Variants in LMBR1 observed in about 807,000 individuals in gnomAD.
The protein encoded by LMBR1 is limb region 1 protein homolog.
A neutral mutation model predicts 73.9 loss-of-function variants in LMBR1; 52 were observed. The observed-to-expected ratio is 0.70, with a 90% CI of 0.56 to 0.89. The LOEUF (loss-of-function observed/expected upper bound fraction) is 0.89, where lower values mean the gene tolerates loss of function less well. Ranked by LOEUF, LMBR1 falls within the 40% of genes least tolerant of loss-of-function variation. LMBR1 has a pLI of 0.00. For synonymous variants in LMBR1, 215 were observed against 209.4 expected (o/e 1.03, Z -0.23); for missense variants, 539 against 579.8 (o/e 0.93, Z 0.72).
In LMBR1 at chr7:156,702,707, A is replaced by G. The variant is rs1810050992; in HGVS notation, c.1226-14516T>C. Among the ~76,000 whole-genome samples, 4 of 152,372 alleles carry G rather than the reference A, an allele frequency of 2.6e-5. No homozygotes were observed. The South Asian group carries it at 8.3e-4, about 32-fold the overall frequency. Reference sequence around the variant, plus strand: ...AGCAGCAGAGAAGGTTTTTTAAAAAAGAAAACTAAACATACTCTTAGCATA... The same window carrying G: ...AGCAGCAGAGAAGGTTTTTTAAAAAGGAAAACTAAACATACTCTTAGCATA... On this transcript the variant is annotated intron_variant, in intron 15 of 16. Coordinates refer to ENST00000353442, the MANE Select transcript of LMBR1 (RefSeq NM_022458.4).
At chr7:156,821,870 T>A (rs546180766) in intron 4 of LMBR1, among the ~76,000 whole-genome samples, 74 of 152,328 alleles carry the variant, frequency 4.9e-4, no homozygotes, top group African/African-American at 1.8e-3. Context: ...CACCTTCTAC[T>A]CACCAAGGCT....
chr7:156,860,049 C>T (rs183379595), intron 1 of LMBR1, among the ~76,000 whole-genome samples: 61 of 152,314 alleles, frequency 4.0e-4, no homozygotes, highest in African/African-American at 1.1e-3. Flanking sequence ...ATTCAACAAA[C>T]GGTGCTATAA....
Position 156,827,853 on chromosome 7 carries a change from G to A in LMBR1, c.180-1109C>T, listed in dbSNP as rs376039823. On this transcript the variant is annotated intron_variant, in intron 3 of 16. Coordinates refer to ENST00000353442, the MANE Select transcript of LMBR1 (RefSeq NM_022458.4). ...ATAACCAGGAAACCTCCTTGGTTTAGTAAATCAATTATAAATTTTAAAATA... is the reference window on the plus strand; with the variant it reads ...ATAACCAGGAAACCTCCTTGGTTTAATAAATCAATTATAAATTTTAAAATA... Among the ~76,000 whole-genome samples the A allele has an allele frequency of 5.3e-5, 8 of 152,256 alleles. No homozygotes were observed. In the East Asian group the frequency reaches 1.5e-3, roughly 29 times the overall value.
At chr7:156,690,324 C>T (rs901190737) in intron 15 of LMBR1, among the ~76,000 whole-genome samples, 2 of 152,216 alleles carry the variant, frequency 1.3e-5, no homozygotes, top group Admixed American at 6.5e-5. Flanking sequence ...AGTTTCTTCA[C>T]ACAGTCCAAC....
At chr7:156,820,078 G>C (rs1290817667) in intron 4 of LMBR1, among the ~76,000 whole-genome samples, 5 of 152,180 alleles carry the variant, frequency 3.3e-5, no homozygotes, top group Non-Finnish European at 7.3e-5. Context: ...ACCCCCATTC[G>C]ATTCTTATCT....
Position 156,756,602 on chromosome 7 carries a change from C to T in LMBR1, c.685-137G>A, listed in dbSNP as rs1821926687. The T allele has an allele frequency of 3.8e-5, 22 of 575,100 alleles. No individual in the cohort carries two copies. In the South Asian group the frequency reaches 4.7e-4, roughly 12 times the overall value. 35.6% of individuals were successfully genotyped at this position (575,100 alleles called of 1,614,324 possible). On this transcript the variant is annotated intron_variant, in intron 8 of 16. Coordinates refer to ENST00000353442, the MANE Select transcript of LMBR1 (RefSeq NM_022458.4). ...CTAAGAACACAAAACAAAAAAACTC[C>T]AACTATGTTATTTATAAATTAAGTA...
intron 9 of LMBR1, among the ~76,000 whole-genome samples, chr7:156,736,785 C>T (rs1817954024): frequency 6.6e-6 from 1 of 152,220 alleles, no homozygotes; most frequent in South Asian, 2.1e-4. Context: ...TTCCTTCTTT[C>T]CTTAACATTC....
At chr7:156,845,380 A>G (rs1839421664) in intron 1 of LMBR1, among the ~76,000 whole-genome samples, 1 of 152,124 alleles carries the variant, frequency 6.6e-6, no homozygotes, top group Admixed American at 6.5e-5. Flanking sequence ...TTAAAAATAC[A>G]CTTCTTTGAA....
chr7:156,810,550 G>A (rs542622836), intron 4 of LMBR1, among the ~76,000 whole-genome samples: 63 of 152,042 alleles, frequency 4.1e-4, no homozygotes, highest in African/African-American at 1.4e-3. Context: ...GCACCACCAC[G>A]CCTGGCTAAT....
chr7:156,697,788 A>G (rs1030607993), intron 15 of LMBR1, among the ~76,000 whole-genome samples: 2 of 152,234 alleles, frequency 1.3e-5, no homozygotes, highest in African/African-American at 2.4e-5. Context: ...ACGTTTTACA[A>G]TCAATTTGTA....
chr7:156,763,214 A>T (rs1823444793), intron 6 of LMBR1, 38 bp from the exon 7 acceptor site: 1 of 836,316 alleles, frequency 1.2e-6, no homozygotes, highest in Non-Finnish European at 1.9e-6. Context: ...ATAAATCCAA[A>T]ATACTGCACA....
At position 156,758,787 on chromosome 7, in the gene LMBR1, C is replaced by A. The variant is rs78325389; in HGVS notation, c.685-2322G>T. Among the ~76,000 whole-genome samples, 1,284 of 152,306 alleles carry A rather than the reference C, an allele frequency of 8.4e-3. 8 individuals carry two copies. The highest frequency in any genetic ancestry group is 0.015 in the Non-Finnish European group (1,035 of 68,026). Reference sequence around the variant, plus strand: ...AAACCTCTCTTCTTTATAAATTACTCAGCCTCAGGTTTATACCAATGCATA... The same window carrying A: ...AAACCTCTCTTCTTTATAAATTACTAAGCCTCAGGTTTATACCAATGCATA... On this transcript the variant is annotated intron_variant, in intron 8 of 16. Coordinates refer to ENST00000353442, the MANE Select transcript of LMBR1 (RefSeq NM_022458.4).
At chr7:156,783,214 A>G (rs1361390162) in intron 5 of LMBR1, among the ~76,000 whole-genome samples, 1 of 152,038 alleles carries the variant, frequency 6.6e-6, no homozygotes, top group Non-Finnish European at 1.5e-5. Context: ...CTTTATCACC[A>G]AAAGTGAAGT....
chr7:156,744,858 G>C (rs1030233484), intron 9 of LMBR1, among the ~76,000 whole-genome samples: 1 of 152,164 alleles, frequency 6.6e-6, no homozygotes, highest in Non-Finnish European at 1.5e-5. Context: ...TCATTTCCTT[G>C]TCTTTTCTAG....
At chr7:156,732,940 T>C (rs535541280) in intron 10 of LMBR1, among the ~76,000 whole-genome samples, 11 of 152,176 alleles carry the variant, frequency 7.2e-5, no homozygotes, top group Non-Finnish European at 1.3e-4. Context: ...GCCCAGGAGT[T>C]TGAGATCAGC....
At chr7:156,867,670 T>C (rs1159773076) in intron 1 of LMBR1, among the ~76,000 whole-genome samples, 4 of 152,198 alleles carry the variant, frequency 2.6e-5, no homozygotes, top group Non-Finnish European at 4.4e-5. Context: ...ATAGTACATA[T>C]TACATGAATC....
At chr7:156,770,005 C>T (rs1354746755) in intron 5 of LMBR1, among the ~76,000 whole-genome samples, 3 of 152,164 alleles carry the variant, frequency 2.0e-5, no homozygotes, top group African/African-American at 7.2e-5. Flanking sequence ...TGACACACCA[C>T]TCTATCAGTC....
chr7:156,679,226 G>C lies in LMBR1; in HGVS notation c.*4852C>G, dbSNP rs1194380171. ...CTGGGGGTGACTGTGGGACGACAAA[G>C]AACTCGACCCTCCACACCACGCCCC... On this transcript the variant is annotated 3_prime_UTR_variant, in exon 17 of 17. Transcript: ENST00000353442. 1.3e-5 allele frequency: 2 copies of C among 152,122 alleles called. No homozygotes were observed. The highest frequency in any genetic ancestry group is 2.4e-5 in the African/African-American group (1 of 41,412). The allele number at this position is 152,122 out of a possible 1,614,324, so 9.4% of individuals were successfully genotyped here. A position where few individuals can be genotyped will look rare whatever the true frequency, so the allele number is the denominator to read the frequency against.
chr7:156,878,599 G>A (rs1424380387), intron 1 of LMBR1, among the ~76,000 whole-genome samples: 1 of 152,166 alleles, frequency 6.6e-6, no homozygotes, highest in African/African-American at 2.4e-5. Flanking sequence ...TGGATGGGTA[G>A]AATCAATATT....
Sources: gnomAD v4.1 joint callset for allele counts (sites outside exome capture counted in the v4.1 genomes callset) on GRCh38, gnomAD v4.1.1 for gene constraint, MANE v1.5 for transcripts, NCBI Gene and HGNC (gene_info 2026-07-23, HGNC 2026-07-21) for gene names.